Variants in PLA2R1 observed in about 807,000 individuals in gnomAD.
PLA2R1 encodes the protein secretory phospholipase A2 receptor.
PLA2R1 carries 158 observed loss-of-function variants against 195.9 expected under a neutral mutation model. The observed-to-expected ratio is 0.81, with a 90% confidence interval of 0.71 to 0.92. The LOEUF is 0.92. Ranked by LOEUF, PLA2R1 falls within the 40% of genes least tolerant of loss-of-function variation. The pLI, the probability that PLA2R1 is intolerant of heterozygous loss-of-function variation, is 0.00. For synonymous variants in PLA2R1, 586 were observed against 598.2 expected (o/e 0.98, Z 0.30); for missense variants, 1,626 against 1,764.6 (o/e 0.92, Z 1.41).
intron 1 of PLA2R1, among the ~76,000 whole-genome samples, chr2:160,055,412 T>C (rs540458221): frequency 2.0e-5 from 3 of 152,316 alleles, no homozygotes; most frequent in South Asian, 4.1e-4. Flanking sequence ...CCTAGGGACA[T>C]CAGAATTGCC....
In PLA2R1 at chr2:160,062,364, CCAGCAGCAGCAG is replaced by C. The variant is rs577078609; in HGVS notation, c.28_39del (p.Leu10_Leu13del). 1.2e-5 allele frequency: 18 copies of C among 1,535,618 alleles called. No homozygotes were observed. Among genetic ancestry groups the C allele is most frequent in the Non-Finnish European group, 1.5e-5 (17 of 1,140,332 alleles). The stretch of plus-strand genomic sequence containing the variant: ...CCCTCGGCGCAGCCCCGCGGCGCCC[CCAGCAGCAGCAG>C]CAGCAGCAGCGACGGCGACAGCAGC... On this transcript the variant is annotated inframe_deletion, in exon 1 of 30. Transcript: ENST00000283243.
At chr2:159,959,795 A>T (rs530292317) in intron 20 of PLA2R1, among the ~76,000 whole-genome samples, 1 of 152,206 alleles carries the variant, frequency 6.6e-6, no homozygotes, top group South Asian at 2.1e-4. Flanking sequence ...CCCAACAGCC[A>T]TACCATTTGG....
At chr2:160,038,116 G>T (rs1694278601) in intron 3 of PLA2R1, among the ~76,000 whole-genome samples, 2 of 152,232 alleles carry the variant, frequency 1.3e-5, no homozygotes, top group Non-Finnish European at 1.5e-5. Context: ...GTGCCCTGAA[G>T]AAGGTATAGA....
In PLA2R1 at chr2:159,976,214, G is replaced by T; in HGVS notation, c.2449C>A (p.Leu817Ile). The stretch of plus-strand genomic sequence containing the variant: ...AGGTATTCTGCATCCTGATAAAAGA[G>T]CCAGGGTACATCTGAAAAAGAAACA... ...PFWYQYDVPWLFYQDAEYLFH... is the reference protein window; with the variant it reads ...PFWYQYDVPWIFYQDAEYLFH... The change falls in exon 17 of 30, where the codon CTC becomes ATC. Residue 817 changes from leucine to isoleucine, a missense_variant. Transcript: ENST00000283243. 2 of 1,605,540 alleles carry T rather than the reference G, an allele frequency of 1.2e-6. No homozygotes were observed. Among genetic ancestry groups the T allele is most frequent in the Non-Finnish European group, 1.7e-6 (2 of 1,174,736 alleles).
intron 28 of PLA2R1, among the ~76,000 whole-genome samples, 170 bp from the exon 29 acceptor site, chr2:159,942,329 C>A (rs1448220726): frequency 6.6e-6 from 1 of 152,186 alleles, no homozygotes; most frequent in Non-Finnish European, 1.5e-5. Context: ...CAGCTGCTTT[C>A]CTGCTACAAT....
At chr2:159,948,073 G>T (rs1049660395) in intron 25 of PLA2R1, among the ~76,000 whole-genome samples, 7 of 152,220 alleles carry the variant, frequency 4.6e-5, no homozygotes, top group African/African-American at 1.2e-4. Flanking sequence ...ACTCCAGAGG[G>T]ACTTTATTTC....
the PLA2R1 span, among the ~76,000 whole-genome samples, chr2:159,925,732 C>A: frequency 7.2e-5 from 11 of 152,284 alleles, no homozygotes; most frequent in African/African-American, 2.6e-4. Context: ...ATTCCTGACC[C>A]TTTCTGGTGC....
chr2:159,945,946 T>C, intron 27 of PLA2R1: 1 of 908,196 alleles, frequency 1.1e-6, no homozygotes, highest in Non-Finnish European at 1.3e-6. Flanking sequence ...AATCATTTGA[T>C]AAACAAAACT....
At chr2:160,042,908 G>A (rs1037385268) in intron 2 of PLA2R1, among the ~76,000 whole-genome samples, 9 of 151,374 alleles carry the variant, frequency 5.9e-5, no homozygotes, top group African/African-American at 2.2e-4. Flanking sequence ...ATGGGGTGGA[G>A]GGGCACAGGG....
chr2:160,028,789 C>T, intron 5 of PLA2R1, 61 bp downstream of exon 5: 1 of 944,048 alleles, frequency 1.1e-6, no homozygotes, highest in Non-Finnish European at 1.7e-6. Context: ...ATGGGAAATG[C>T]TGCTGTGTAA....
intron 20 of PLA2R1, among the ~76,000 whole-genome samples, chr2:159,959,978 A>G (rs1193368704): frequency 2.0e-5 from 3 of 152,124 alleles, no homozygotes; most frequent in Non-Finnish European, 4.4e-5. Context: ...CCTTGGCACT[A>G]CATCTAGAGT....
intron 11 of PLA2R1, 105 bp downstream of exon 11, chr2:160,005,547 A>C: frequency 2.4e-6 from 2 of 850,720 alleles, no homozygotes; most frequent in South Asian, 3.5e-5. Context: ...TGATTTAGGC[A>C]TTAAGAAAAC....
chr2:160,013,304 G>A lies in PLA2R1; in HGVS notation c.1623C>T (p.Ser541=), dbSNP rs368833157. Residue 541 remains serine (S), a synonymous_variant, in exon 10 of 30, where the codon AGC becomes AGT. Coordinates refer to ENST00000283243, the MANE Select transcript of PLA2R1 (RefSeq NM_007366.5). ...CAAGTGCAGGAGGACAGTAATAACC[G>A]CTGGAAGCTTGGTCAAAGCTTCGAA... ...TVLRSFDQAS[S]GYYCPPALVT... is the part of the protein sequence containing the mutation. The A allele has an allele frequency of 9.6e-5, 155 of 1,609,190 alleles. No homozygotes were observed. Among genetic ancestry groups the A allele is most frequent in the Middle Eastern group, 1.6e-4 (1 of 6,070 alleles).
intron 14 of PLA2R1, among the ~76,000 whole-genome samples, chr2:159,979,247 A>G (rs987454164): frequency 6.6e-6 from 1 of 152,148 alleles, no homozygotes; most frequent in South Asian, 2.1e-4. Context: ...AGAATTACCC[A>G]TTGCAACTGG....
chr2:159,930,205 G>A (rs1049268225), downstream of PLA2R1, among the ~76,000 whole-genome samples: 1 of 152,070 alleles, frequency 6.6e-6, no homozygotes, highest in East Asian at 1.9e-4. Context: ...TCAGGAGATC[G>A]AGGCCATCCT....
chr2:159,931,783 T>C (rs940677508), downstream of PLA2R1, among the ~76,000 whole-genome samples: 2 of 152,204 alleles, frequency 1.3e-5, no homozygotes, highest in African/African-American at 4.8e-5. Context: ...CTTATAGATA[T>C]ACTTTATGCA....
In PLA2R1 at chr2:159,987,149, G is replaced by A; in HGVS notation, c.2037+7C>T. On this transcript the variant is annotated splice_region_variant and intron_variant, in intron 12 of 29. Coordinates refer to ENST00000283243, the MANE Select transcript of PLA2R1 (RefSeq NM_007366.5). Reference sequence around the variant, plus strand: ...TGTTAAGAATGTCCATGTAACCTTGGTATCACCTTGAAGCAACTGGCCAGA... The same window carrying A: ...TGTTAAGAATGTCCATGTAACCTTGATATCACCTTGAAGCAACTGGCCAGA... 7 of 1,599,278 alleles carry A rather than the reference G, an allele frequency of 4.4e-6. No homozygotes were observed. Among genetic ancestry groups the A allele is most frequent in the Non-Finnish European group, 6.0e-6 (7 of 1,166,606 alleles).
At chr2:159,959,194 G>A (rs1377402299) in intron 20 of PLA2R1, among the ~76,000 whole-genome samples, 1 of 151,988 alleles carries the variant, frequency 6.6e-6, no homozygotes, top group African/African-American at 2.4e-5. Flanking sequence ...TTAATTATTG[G>A]GAAGTCTTAT....
At chr2:159,986,698 T>C (rs1439201825) in intron 12 of PLA2R1, among the ~76,000 whole-genome samples, 1 of 152,040 alleles carries the variant, frequency 6.6e-6, no homozygotes, top group Non-Finnish European at 1.5e-5. Flanking sequence ...GCCATTCTCC[T>C]GTCTCAGCCT....
Sources: allele counts gnomAD v4.1 joint callset (sites outside exome capture counted in the v4.1 genomes callset), GRCh38; gene constraint gnomAD v4.1.1; transcripts MANE v1.5; gene names NCBI Gene and HGNC (gene_info 2026-07-23, HGNC 2026-07-21).